The following TIMM23B variants were observed in gnomAD, a reference collection of about 807,000 sequenced individuals.
The protein encoded by TIMM23B is mitochondrial import inner membrane translocase subunit Tim23B.
Under a neutral mutation model 27.3 loss-of-function variants are expected in TIMM23B, and 27 were observed. The ratio of observed to expected loss-of-function variants is 0.99; its 90% CI spans 0.73 to 1.36. TIMM23B has a LOEUF of 1.36. TIMM23B is among the 40% of genes most tolerant of loss of function. TIMM23B has a pLI of 0.00. For synonymous variants in TIMM23B, 73 were observed against 92.4 expected, an observed-to-expected ratio of 0.79 and a Z score of 1.21; for missense variants, 205 against 244.2, an observed-to-expected ratio of 0.84 and a Z score of 1.07.
intron 1 of TIMM23B, among the ~76,000 whole-genome samples, chr10:49,943,908 A>G (rs1479625941): frequency 2.0e-5 from 3 of 152,198 alleles, no homozygotes; most frequent in Non-Finnish European, 4.4e-5. Context: ...GCCATTTTAG[A>G]GCGGATTAGG....
Position 49,948,315 on chromosome 10 carries a change from T to C in TIMM23B, c.165+3225T>C, listed in dbSNP as rs1839416918. 2.6e-5 allele frequency among the ~76,000 whole-genome samples: 4 copies of C among 152,258 alleles called. No homozygotes were observed. In the South Asian group the frequency reaches 8.3e-4, roughly 32 times the overall value. ...CTTTTAGAAACAGTCTGGCAGTTTCTCAAAGTGTTAAAAATAGAGTTACCT... is the reference window on the plus strand; with the variant it reads ...CTTTTAGAAACAGTCTGGCAGTTTCCCAAAGTGTTAAAAATAGAGTTACCT... On this transcript the variant is annotated intron_variant, in intron 2 of 6. Coordinates refer to ENST00000651259, the MANE Select transcript of TIMM23B (RefSeq NM_001290117.2).
At chr10:49,947,648 C>T (rs1288337470) in intron 2 of TIMM23B, among the ~76,000 whole-genome samples, 5 of 151,542 alleles carry the variant, frequency 3.3e-5, no homozygotes, top group African/African-American at 1.2e-4. Context: ...TGGAAAAAGT[C>T]CTGGCGCAGT....
chr10:49,968,224 G>A (rs2573401), intron 6 of TIMM23B, among the ~76,000 whole-genome samples: 1 of 151,888 alleles, frequency 6.6e-6, no homozygotes. Flanking sequence ...GTTTAAGTGA[G>A]CACATGGGCA....
chr10:49,954,020 G>C (rs1839625416), intron 4 of TIMM23B, among the ~76,000 whole-genome samples: 1 of 152,144 alleles, frequency 6.6e-6, no homozygotes, highest in Non-Finnish European at 1.5e-5. Flanking sequence ...AAAAATGATG[G>C]CTGAACTTAA....
chr10:49,956,420 G>A (rs1839724178), intron 5 of TIMM23B, among the ~76,000 whole-genome samples: 2 of 125,692 alleles, frequency 1.6e-5, no homozygotes, highest in Non-Finnish European at 3.3e-5. Flanking sequence ...TCTTATACTA[G>A]AAATACGTGT....
At chr10:49,971,010 G>A (rs1323701502) in intron 6 of TIMM23B, among the ~76,000 whole-genome samples, 1 of 152,220 alleles carries the variant, frequency 6.6e-6, no homozygotes, top group African/African-American at 2.4e-5. Context: ...TTGGGATGCT[G>A]TTGATCTATG....
chr10:49,961,606 G>GT (rs1327481171), intron 6 of TIMM23B, among the ~76,000 whole-genome samples: 31,208 of 145,926 alleles, frequency 0.21, 3,477 homozygotes, highest in Non-Finnish European at 0.27. Context: ...TGTTTCCCTT[G>GT]TTTTTTTTTT....
At chr10:49,951,878 A>G (rs1291971798) in intron 2 of TIMM23B, among the ~76,000 whole-genome samples, 4 of 152,180 alleles carry the variant, frequency 2.6e-5, no homozygotes, top group East Asian at 3.9e-4. Flanking sequence ...GCACAAATCT[A>G]TCAGATTTAC....
At chr10:49,951,168 CA>C (rs1839516442) in intron 2 of TIMM23B, among the ~76,000 whole-genome samples, 1 of 152,018 alleles carries the variant, frequency 6.6e-6, no homozygotes, top group Admixed American at 6.6e-5. Context: ...GTGCACATGC[CA>C]GAAAGAAAAA....
intron 2 of TIMM23B, among the ~76,000 whole-genome samples, chr10:49,947,803 A>C (rs1589029297): frequency 6.6e-6 from 1 of 151,120 alleles, no homozygotes; most frequent in East Asian, 1.9e-4. Flanking sequence ...GGTGGTATGC[A>C]CCTGTAGTCC....
chr10:49,950,498 T>A (rs1839491620), intron 2 of TIMM23B, among the ~76,000 whole-genome samples: 1 of 151,632 alleles, frequency 6.6e-6, no homozygotes, highest in Non-Finnish European at 1.5e-5. Flanking sequence ...TTTTGCTTGC[T>A]TGATAATGTT....
chr10:49,945,417 G>A (rs1839324104), intron 2 of TIMM23B, among the ~76,000 whole-genome samples: 1 of 152,094 alleles, frequency 6.6e-6, no homozygotes, highest in Non-Finnish European at 1.5e-5. Context: ...TTTTGCTTTT[G>A]TCCTCCAGGC....
At chr10:49,966,667 A>AT (rs537164643) in intron 6 of TIMM23B, among the ~76,000 whole-genome samples, 244 of 152,196 alleles carry the variant, frequency 1.6e-3, no homozygotes, top group African/African-American at 5.7e-3. Flanking sequence ...CTCTACTAAA[A>AT]TAAAAAAACT....
chr10:49,974,474 G>A lies in TIMM23B; in HGVS notation c.*1410G>A, dbSNP rs1476210687. On this transcript the variant is annotated 3_prime_UTR_variant, in exon 7 of 7. Coordinates refer to ENST00000651259, the MANE Select transcript of TIMM23B (RefSeq NM_001290117.2). ...AATGCAGCCCTCACAGCAGCCTGTT[G>A]TTCGTCCTGCAAATGTGTTTCCATC... 2 of 149,824 alleles carry A rather than the reference G, an allele frequency of 1.3e-5. No individual in the cohort carries two copies. The highest frequency in any genetic ancestry group is 3.0e-5 in the Non-Finnish European group (2 of 67,504). The allele number at this position is 149,824 out of a possible 1,614,324, so 9.3% of individuals were successfully genotyped here.
rs1188511455 is a variant in TIMM23B, at chr10:49,946,817, A to G, written c.165+1727A>G. On this transcript the variant is annotated intron_variant, in intron 2 of 6. Coordinates refer to ENST00000651259, the MANE Select transcript of TIMM23B (RefSeq NM_001290117.2). ...GCAGAAATTGACAAGCTTTTATCCT[A>G]AAATTCATATGGAAATTCAGGGGAC... Among the ~76,000 whole-genome samples, 49 of 149,568 alleles carry G rather than the reference A, an allele frequency of 3.3e-4. 1 individual carries two copies. Among genetic ancestry groups the G allele is most frequent in the African/African-American group, 9.9e-4 (40 of 40,374 alleles).
intron 6 of TIMM23B, among the ~76,000 whole-genome samples, chr10:49,971,655 T>C (rs1554856604): frequency 6.6e-6 from 1 of 152,194 alleles, no homozygotes; most frequent in East Asian, 1.9e-4. Flanking sequence ...CATATGCAAA[T>C]TGAGACATGT....
chr10:49,965,137 T>C (rs2132050791), intron 6 of TIMM23B, among the ~76,000 whole-genome samples: 1 of 151,580 alleles, frequency 6.6e-6, no homozygotes, highest in South Asian at 2.1e-4. Context: ...GGAGAATCGC[T>C]TGTACCCAGG....
intron 1 of TIMM23B, among the ~76,000 whole-genome samples, chr10:49,942,743 G>A (rs1839180432): frequency 6.6e-6 from 1 of 152,194 alleles, no homozygotes; most frequent in African/African-American, 2.4e-5. Flanking sequence ...GCATGTAAGT[G>A]AGAAATAAAT....
chr10:49,956,124 T>C (rs1359722364), intron 5 of TIMM23B, among the ~76,000 whole-genome samples: 1 of 151,236 alleles, frequency 6.6e-6, no homozygotes, highest in Non-Finnish European at 1.5e-5. Flanking sequence ...AGAAGGATGT[T>C]CTGCTTGTGA....
Sources: allele counts gnomAD v4.1 joint callset (sites outside exome capture counted in the v4.1 genomes callset), GRCh38; gene constraint gnomAD v4.1.1; transcripts MANE v1.5; gene names NCBI Gene and HGNC (gene_info 2026-07-23, HGNC 2026-07-21).